CNOT9: variants seen among roughly 807,000 people sequenced by gnomAD.
The protein encoded by CNOT9 is CCR4-NOT transcription complex subunit 9, also known as RCD1 required for cell differentiation1 homolog.
In CNOT9, 8 loss-of-function variants were observed where a neutral mutation model predicts 37.4. The ratio of observed to expected loss-of-function variants is 0.21; its 90% CI spans 0.13 to 0.39. The LOEUF (loss-of-function observed/expected upper bound fraction) is 0.39, where lower values mean the gene tolerates loss of function less well. CNOT9 is among the 10% of genes least tolerant of loss of function. The probability of loss-of-function intolerance (pLI) is 1.00; values close to 1 mark genes in which losing one functional copy is unlikely to be tolerated. For synonymous variants in CNOT9, 120 were observed against 137.6 expected, an observed-to-expected ratio of 0.87 and a Z score of 0.90; for missense variants, 154 against 365.3, an observed-to-expected ratio of 0.42 and a Z score of 4.71.
In CNOT9 at chr2:218,594,583, T is replaced by TCC. The variant is rs1286771869; in HGVS notation, c.*310_*311dup. On this transcript the variant is annotated 3_prime_UTR_variant, in exon 8 of 8. Coordinates refer to ENST00000273064, the MANE Select transcript of CNOT9 (RefSeq NM_005444.3). ...TGCAGCATGTCCAAGATGACCCTTC[T>TCC]CCCCTACCTCTACCTAGCCACTGGC... The TCC allele has an allele frequency of 1.2e-5, 4 of 333,974 alleles. No individual in the cohort carries two copies. Among genetic ancestry groups the TCC allele is most frequent in the Non-Finnish European group, 2.2e-5 (4 of 181,064 alleles). The allele number at this position is 333,974 out of a possible 1,614,324, so 20.7% of individuals were successfully genotyped here. A position where few individuals can be genotyped will look rare whatever the true frequency, so the allele number is the denominator to read the frequency against.
intron 3 of CNOT9, among the ~76,000 whole-genome samples, chr2:218,583,598 TAAGAA>T (rs1340655973): frequency 1.3e-5 from 2 of 152,144 alleles, no homozygotes; most frequent in African/African-American, 4.8e-5. Flanking sequence ...TCTAAAAAAT[TAAGAA>T]AAGGGAAATC....
chr2:218,586,913 C>T (rs1320710624), intron 4 of CNOT9, among the ~76,000 whole-genome samples: 2 of 152,050 alleles, frequency 1.3e-5, no homozygotes, highest in African/African-American at 4.8e-5. Flanking sequence ...ATATGGAAAG[C>T]CAAAGGAACT....
chr2:218,582,887 G>A, intron 2 of CNOT9, 84 bp from the exon 3 acceptor site: 1 of 732,458 alleles, frequency 1.4e-6, no homozygotes, highest in Non-Finnish European at 2.3e-6. Context: ...TATTTTATTT[G>A]CCTTTTTTTT....
intron 2 of CNOT9, among the ~76,000 whole-genome samples, chr2:218,581,454 G>A (rs1233519142): frequency 6.6e-6 from 1 of 151,780 alleles, no homozygotes; most frequent in Non-Finnish European, 1.5e-5. Context: ...ACAGGCATGA[G>A]CCACCATGCC....
chr2:218,582,734 CA>C (rs1002703899), intron 2 of CNOT9, among the ~76,000 whole-genome samples: 41 of 145,036 alleles, frequency 2.8e-4, no homozygotes, highest in East Asian at 4.0e-4. Context: ...ATGTGAGTCT[CA>C]AAAAAAAAAA....
intron 1 of CNOT9, among the ~76,000 whole-genome samples, chr2:218,570,934 T>C (rs1168314767): frequency 6.6e-6 from 1 of 152,228 alleles, no homozygotes; most frequent in African/African-American, 2.4e-5. Flanking sequence ...AATTCCTTCG[T>C]ACCACTCATT....
rs1241023842 is a variant in CNOT9, at chr2:218,588,000, A to T, written c.540+305A>T. ...GCTCCTTCTATAACCGGGCTTTTTT[A>T]AAATACATAATCAATTATATGTACT... On this transcript the variant is annotated intron_variant, in intron 5 of 7. Transcript: ENST00000273064. Among the ~76,000 whole-genome samples the T allele has an allele frequency of 2.0e-5, 3 of 152,272 alleles. No homozygotes were observed. In the East Asian group the frequency reaches 5.8e-4, roughly 29 times the overall value.
intron 4 of CNOT9, among the ~76,000 whole-genome samples, chr2:218,585,909 TGGGA>T (rs1370884309): frequency 6.6e-6 from 1 of 152,176 alleles, no homozygotes; most frequent in Non-Finnish European, 1.5e-5. Context: ...CCCAAAGTGC[TGGGA>T]TTACAGATGT....
At chr2:218,584,255 T>TG (rs1694514565) in intron 3 of CNOT9, among the ~76,000 whole-genome samples, 1 of 152,170 alleles carries the variant, frequency 6.6e-6, no homozygotes, top group African/African-American at 2.4e-5. Flanking sequence ...CATTACCATT[T>TG]GGGGCTGGAT....
chr2:218,588,588 C>CTTTTTTTTTTTTTTTTTTTTT (rs1172484260), intron 5 of CNOT9, among the ~76,000 whole-genome samples: 1 of 33,450 alleles, frequency 3.0e-5, no homozygotes, highest in African/African-American at 1.4e-4. Context: ...TCCACCCGGC[C>CTTTTTTTTTTTTTTTTTTTTT]TTTTTTTTTT....
At chr2:218,579,671 A>G (rs752615196) in intron 1 of CNOT9, among the ~76,000 whole-genome samples, 33 of 151,712 alleles carry the variant, frequency 2.2e-4, no homozygotes, top group Admixed American at 8.5e-4. Flanking sequence ...TATTTTTAGT[A>G]GAGACACCAG....
chr2:218,581,176 T>C (rs1694363829), intron 2 of CNOT9: 1 of 311,158 alleles, frequency 3.2e-6, no homozygotes, highest in East Asian at 8.1e-5. Flanking sequence ...TTTTCTTTTT[T>C]TTTTTTTTTT....
intron 2 of CNOT9, 94 bp downstream of exon 2, chr2:218,580,834 A>G (rs62191561): frequency 2.8e-5 from 33 of 1,185,472 alleles, no homozygotes; most frequent in African/African-American, 6.1e-5. Flanking sequence ...CTTTAGGAGG[A>G]TGATTCTTTA....
intron 5 of CNOT9, among the ~76,000 whole-genome samples, chr2:218,590,556 G>C (rs915949080): frequency 6.6e-6 from 1 of 152,186 alleles, no homozygotes; most frequent in African/African-American, 2.4e-5. Context: ...AGTTTTGGAA[G>C]TCACAAGTTC....
intron 2 of CNOT9, 171 bp downstream of exon 2, chr2:218,580,911 G>GGTAAGGATCCAAGA: frequency 1.4e-6 from 1 of 704,600 alleles, no homozygotes; most frequent in Non-Finnish European, 2.5e-6. Flanking sequence ...CAGATTCTTG[G>GGTAAGGATCCAAGA]ATCCTTACCC....
At position 218,593,970 on chromosome 2, in the gene CNOT9, G is replaced by T. The variant is rs1030546577; in HGVS notation, c.732-138G>T. On this transcript the variant is annotated intron_variant, in intron 7 of 7. Coordinates refer to ENST00000273064, the MANE Select transcript of CNOT9 (RefSeq NM_005444.3). The stretch of plus-strand genomic sequence containing the variant: ...AGCCTATGCCTAATATAGCTTTAGA[G>T]AATTTTAATGGCTTCTTAAGGAGCC... 14 of 1,035,196 alleles carry T rather than the reference G, an allele frequency of 1.4e-5. No homozygotes were observed. In the African/African-American group the frequency reaches 2.2e-4, roughly 17 times the overall value. The allele number at this position is 1,035,196 out of a possible 1,614,324, so 64.1% of individuals were successfully genotyped here.
chr2:218,592,802 A>G lies in CNOT9; in HGVS notation c.731+95A>G. Reference sequence around the variant, plus strand: ...TAGCTCCTGTGTCTTTAGGACAGGGAAGTGGGGATATAACTGCATTTAGTT... The same window carrying G: ...TAGCTCCTGTGTCTTTAGGACAGGGGAGTGGGGATATAACTGCATTTAGTT... On this transcript the variant is annotated intron_variant, in intron 7 of 7. Coordinates refer to ENST00000273064, the MANE Select transcript of CNOT9 (RefSeq NM_005444.3). The surrounding 1 kb of genome is among the most constrained non-coding windows in gnomAD (Gnocchi z 4.1). 3.2e-6 allele frequency: 3 copies of G among 936,778 alleles called. No homozygotes were observed. In the South Asian group the frequency reaches 4.2e-5, roughly 13 times the overall value. The allele number at this position is 936,778 out of a possible 1,614,324, so 58.0% of individuals were successfully genotyped here. A position where few individuals can be genotyped will look rare whatever the true frequency, so the allele number is the denominator to read the frequency against.
intron 4 of CNOT9, among the ~76,000 whole-genome samples, chr2:218,585,893 T>C (rs1013482019): frequency 1.3e-5 from 2 of 152,132 alleles, no homozygotes; most frequent in African/African-American, 4.8e-5. Flanking sequence ...TCTCCCACCT[T>C]GGCCTCCCAA....
intron 1 of CNOT9, among the ~76,000 whole-genome samples, chr2:218,569,280 G>A (rs891126020): frequency 6.6e-6 from 1 of 152,196 alleles, no homozygotes; most frequent in Non-Finnish European, 1.5e-5. Flanking sequence ...GTTTCAGGGC[G>A]CCAGTTGTGT....
Sources: allele counts gnomAD v4.1 joint callset (sites outside exome capture counted in the v4.1 genomes callset), GRCh38; gene constraint gnomAD v4.1.1; non-coding constraint Gnocchi (gnomAD v3.1); transcripts MANE v1.5; gene names NCBI Gene and HGNC (gene_info 2026-07-23, HGNC 2026-07-21).